BMPR1A: variants seen among roughly 807,000 people sequenced by gnomAD.
BMPR1A encodes the protein bone morphogenetic protein receptor type-1A.
Under a neutral mutation model 66.0 loss-of-function variants are expected in BMPR1A, and 7 were observed. The ratio of observed to expected loss-of-function variants is 0.11; its 90% confidence interval spans 0.06 to 0.20. The LOEUF (loss-of-function observed/expected upper bound fraction) is 0.20, where lower values mean the gene tolerates loss of function less well. BMPR1A is among the 10% of genes least tolerant of loss of function. The pLI is 1.00. For missense variants in BMPR1A, 408 were observed against 669.1 expected, an observed-to-expected ratio of 0.61 and a Z score of 4.31; for synonymous variants, 200 against 229.7, an observed-to-expected ratio of 0.87 and a Z score of 1.17.
chr10:86,756,333 G>C (rs140745739), upstream of BMPR1A: 8,182 of 152,116 alleles, frequency 0.054, 348 homozygotes, highest in Non-Finnish European at 0.074. Flanking sequence ...GCGGGCCCGC[G>C]CGGAGGAGCA....
At chr10:86,767,986 C>G (rs574466904) in intron 1 of BMPR1A, among the ~76,000 whole-genome samples, 1 of 152,322 alleles carries the variant, frequency 6.6e-6, no homozygotes, top group South Asian at 2.1e-4. Flanking sequence ...TTGTTCTTTT[C>G]TAGTTCCAGT....
chr10:86,793,094 A>ACCCTC (rs1841653275), intron 1 of BMPR1A, among the ~76,000 whole-genome samples: 1 of 106,028 alleles, frequency 9.4e-6, no homozygotes, highest in Non-Finnish European at 1.9e-5. Flanking sequence ...CCTGATCTAT[A>ACCCTC]CCCCCCCCCA....
At chr10:86,862,013 G>T (rs988659564) in intron 2 of BMPR1A, among the ~76,000 whole-genome samples, 1 of 152,214 alleles carries the variant, frequency 6.6e-6, no homozygotes, top group East Asian at 1.9e-4. Context: ...TATTTATTTA[G>T]TATCGACTCT....
At chr10:86,788,108 A>G (rs1841544566) in intron 1 of BMPR1A, among the ~76,000 whole-genome samples, 2 of 152,246 alleles carry the variant, frequency 1.3e-5, no homozygotes, top group Non-Finnish European at 2.9e-5. Context: ...CAGTGATGGC[A>G]TACTATATTC....
At chr10:86,881,540 C>T (rs1402041843) in intron 3 of BMPR1A, among the ~76,000 whole-genome samples, 2 of 152,196 alleles carry the variant, frequency 1.3e-5, no homozygotes, top group Non-Finnish European at 2.9e-5. Flanking sequence ...CCACAACATA[C>T]AGAGCAGCTG....
intron 1 of BMPR1A, among the ~76,000 whole-genome samples, chr10:86,787,624 C>T (rs531562232): frequency 9.2e-5 from 14 of 152,152 alleles, no homozygotes; most frequent in African/African-American, 2.7e-4. Flanking sequence ...GTGTATTAGT[C>T]GATTCTCACA....
chr10:86,909,790 A>G (rs1174369449), intron 7 of BMPR1A, among the ~76,000 whole-genome samples: 1 of 152,154 alleles, frequency 6.6e-6, no homozygotes, highest in Non-Finnish European at 1.5e-5. Flanking sequence ...TTAAATATTA[A>G]GTTCTATAAA....
chr10:86,809,595 C>CTTTTTTTTTTTTTTTTTTTT (rs71019431), intron 1 of BMPR1A, among the ~76,000 whole-genome samples: 1 of 123,902 alleles, frequency 8.1e-6, no homozygotes, highest in African/African-American at 3.2e-5. Context: ...CACCCGACCT[C>CTTTTTTTTTTTTTTTTTTTT]TTTTTTTTTT....
chr10:86,762,303 C>T (rs1370004314), intron 1 of BMPR1A, among the ~76,000 whole-genome samples: 1 of 152,168 alleles, frequency 6.6e-6, no homozygotes, highest in East Asian at 1.9e-4. Flanking sequence ...GGTTATAGAC[C>T]TCGTATCGAG....
chr10:86,790,123 C>T lies in BMPR1A; in HGVS notation c.-268+33204C>T, dbSNP rs539929506. Reference sequence around the variant, plus strand: ...GTGAGCCGAGATCTTGCCACTGCCACTGCACTCCAGCCTGGACGACAGAGC... The same window carrying T: ...GTGAGCCGAGATCTTGCCACTGCCATTGCACTCCAGCCTGGACGACAGAGC... On this transcript the variant is annotated intron_variant, in intron 1 of 12. Transcript: ENST00000372037. Among the ~76,000 whole-genome samples the T allele has an allele frequency of 3.0e-3, 334 of 110,510 alleles. 1 individual carries two copies. The highest frequency in any genetic ancestry group is 9.7e-3 in the African/African-American group (320 of 33,018). 72.5% of individuals were successfully genotyped at this position (110,510 alleles called of 152,430 possible).
At position 86,919,292 on chromosome 10, in the gene BMPR1A, C is replaced by T. The variant is rs587782092; in HGVS notation, c.989C>T (p.Ala330Val). The T allele has an allele frequency of 3.7e-6, 6 of 1,613,944 alleles. No individual in the cohort carries two copies. The highest frequency in any genetic ancestry group is 4.2e-6 in the Non-Finnish European group (5 of 1,179,866). The change falls in exon 10 of 13, where the codon GCC becomes GTC. Residue 330 changes from alanine (A) to valine (V), a missense_variant. Transcript: ENST00000372037. ...FLKCATLDTR[A>V]LLKLAYSAAC... ...AAATGTGCTACACTGGACACCAGAG[C>T]CCTGCTTAAATTGGCTTATTCAGCT...
chr10:86,863,995 TG>T (rs2133249572), intron 2 of BMPR1A, among the ~76,000 whole-genome samples: 1 of 152,348 alleles, frequency 6.6e-6, no homozygotes, highest in East Asian at 1.9e-4. Flanking sequence ...TACATTAGTT[TG>T]ATCAAGATAA....
At chr10:86,820,712 G>C (rs945595497) in intron 1 of BMPR1A, among the ~76,000 whole-genome samples, 5 of 152,158 alleles carry the variant, frequency 3.3e-5, no homozygotes, top group Non-Finnish European at 7.3e-5. Context: ...GATGCTAGTT[G>C]ATGCCTGTTT....
chr10:86,921,719 T>C, intron 11 of BMPR1A, 24 bp downstream of exon 11: 1 of 1,614,134 alleles, frequency 6.2e-7, no homozygotes, highest in Non-Finnish European at 8.5e-7. Context: ...TAGTTTCTGA[T>C]TATGTTGATT....
intron 2 of BMPR1A, among the ~76,000 whole-genome samples, chr10:86,865,415 G>A (rs770007203): frequency 4.5e-4 from 68 of 152,022 alleles, no homozygotes; most frequent in Admixed American, 3.3e-4. Flanking sequence ...CACTCTGCCC[G>A]CCAGAGAACA....
chr10:86,920,562 G>A (rs1021691341), intron 10 of BMPR1A, among the ~76,000 whole-genome samples: 3 of 152,184 alleles, frequency 2.0e-5, no homozygotes, highest in Non-Finnish European at 2.9e-5. Flanking sequence ...TTCTGAGTCA[G>A]TGTAGTATTT....
At chr10:86,848,381 T>C (rs1385889913) in intron 2 of BMPR1A, among the ~76,000 whole-genome samples, 1 of 152,198 alleles carries the variant, frequency 6.6e-6, no homozygotes, top group Non-Finnish European at 1.5e-5. Context: ...GTGTTAACTA[T>C]TATTTAATAT....
At chr10:86,774,980 C>T (rs900908455) in intron 1 of BMPR1A, among the ~76,000 whole-genome samples, 1 of 152,158 alleles carries the variant, frequency 6.6e-6, no homozygotes, top group Non-Finnish European at 1.5e-5. Context: ...AAATACTTCC[C>T]GTGAAAGGAA....
intron 2 of BMPR1A, among the ~76,000 whole-genome samples, chr10:86,851,689 C>A (rs915725694): frequency 1.3e-5 from 2 of 152,134 alleles, no homozygotes; most frequent in Non-Finnish European, 2.9e-5. Context: ...TGGCAAAGAA[C>A]AACGAAGACA....
Sources: gnomAD v4.1 joint callset for allele counts (sites outside exome capture counted in the v4.1 genomes callset) on GRCh38, gnomAD v4.1.1 for gene constraint, MANE v1.5 for transcripts, NCBI Gene and HGNC (gene_info 2026-07-23, HGNC 2026-07-21) for gene names.